DIDO1: variants seen among roughly 807,000 people sequenced by gnomAD.
DIDO1 encodes the protein death-inducer obliterator 1.
DIDO1 carries 16 observed loss-of-function variants against 99.4 expected under a neutral mutation model. The ratio of observed to expected loss-of-function variants is 0.16; its 90% CI spans 0.11 to 0.24. DIDO1 has a LOEUF of 0.24. DIDO1 is among the 10% of genes least tolerant of loss of function. DIDO1 has a pLI of 1.00. For synonymous variants in DIDO1, 1,366 were observed against 1,239.1 expected (o/e 1.10, Z -2.15); for missense variants, 2,996 against 3,014.0 (o/e 0.99, Z 0.14).
rs771153068 is a variant in DIDO1, at chr20:62,881,441, G to A, written c.4515C>T (p.Ala1505=). 3 of 1,608,784 alleles carry A rather than the reference G, an allele frequency of 1.9e-6. No individual in the cohort carries two copies. Among genetic ancestry groups the A allele is most frequent in the South Asian group, 1.1e-5 (1 of 91,062 alleles). Residue 1505 remains alanine (A), a synonymous_variant, in exon 16 of 16, where the codon GCC becomes GCT. Transcript: ENST00000395343. The surrounding 1 kb of genome is among the most constrained non-coding windows in gnomAD (Gnocchi z 8.3). The part of the protein sequence containing the change: ...EQEEALRQQR[A]AVGVSMAHFS... Reference sequence around the variant, plus strand: ...AGTGGGCCATGGAGACCCCGACGGCGGCCCTCTGCTGCCTGAGAGCTTCTT... The same window carrying A: ...AGTGGGCCATGGAGACCCCGACGGCAGCCCTCTGCTGCCTGAGAGCTTCTT...
chr20:62,908,641 C>CA (rs1158611917), intron 4 of DIDO1, among the ~76,000 whole-genome samples: 2 of 152,176 alleles, frequency 1.3e-5, no homozygotes, highest in African/African-American at 4.8e-5. Flanking sequence ...TCCACAGAAT[C>CA]TAAGTTTTAT....
At chr20:62,902,046 G>C (rs1345499611) in intron 6 of DIDO1, among the ~76,000 whole-genome samples, 3 of 151,948 alleles carry the variant, frequency 2.0e-5, no homozygotes, top group Non-Finnish European at 4.4e-5. Flanking sequence ...TGAATTCAGG[G>C]GGACCGATCC....
intron 15 of DIDO1, 31 bp from the exon 16 acceptor site, chr20:62,882,445 G>C (rs764249151): frequency 6.3e-7 from 1 of 1,581,920 alleles, no homozygotes; most frequent in South Asian, 1.2e-5. Context: ...GCAAATTTTA[G>C]AATCTAAATC....
chr20:62,888,321 C>T, intron 15 of DIDO1: 1 of 985,548 alleles, frequency 1.0e-6, no homozygotes, highest in Non-Finnish European at 1.2e-6. Flanking sequence ...AGGACCTTCT[C>T]CTTAACATCC....
intron 5 of DIDO1, 78 bp downstream of exon 5, chr20:62,907,069 T>C (rs1961629792): frequency 5.3e-6 from 8 of 1,515,126 alleles, no homozygotes; most frequent in Non-Finnish European, 5.5e-6. Context: ...CCACACGGTC[T>C]ACAAACCAAC....
intron 1 of DIDO1, among the ~76,000 whole-genome samples, chr20:62,935,319 C>T (rs985363092): frequency 3.9e-5 from 6 of 151,912 alleles, no homozygotes; most frequent in Non-Finnish European, 7.4e-5. Flanking sequence ...TTTATTCCTT[C>T]GTCACTCAAC....
intron 15 of DIDO1, chr20:62,888,126 C>T: frequency 3.0e-6 from 3 of 985,490 alleles, no homozygotes; most frequent in Non-Finnish European, 3.6e-6. Flanking sequence ...CAGCTGGGCA[C>T]CTTCAGGCCT....
At chr20:62,922,456 AC>A (rs2065173776) in intron 1 of DIDO1, among the ~76,000 whole-genome samples, 1 of 151,936 alleles carries the variant, frequency 6.6e-6, no homozygotes, top group East Asian at 1.9e-4. Context: ...TCAAGGGGGA[AC>A]CTGTCTATGA....
chr20:62,899,847 C>A (rs1031276215), intron 6 of DIDO1, among the ~76,000 whole-genome samples: 2 of 152,242 alleles, frequency 1.3e-5, no homozygotes, highest in Non-Finnish European at 2.9e-5. Flanking sequence ...AGCAACTGTT[C>A]CAGGGACCCG....
rs771113681 is a variant in DIDO1 at position 62,880,722 on chromosome 20, C to T, written c.5234G>A (p.Gly1745Asp). 1.2e-6 allele frequency: 2 copies of T among 1,612,664 alleles called. No homozygotes were observed. Among genetic ancestry groups the T allele is most frequent in the Non-Finnish European group, 1.7e-6 (2 of 1,179,882 alleles). ...CTGACCCTGAAACGGGGGCTGAGAG[C>T]CCCCCACTTTCTGTCCTGGTGGGGG... Reference protein sequence around the residue: ...PLPPPGQKVGGSQPPFQGQRE... With the variant: ...PLPPPGQKVGDSQPPFQGQRE... The change falls in exon 16 of 16, where the codon GGC (glycine) becomes GAC (aspartate). Residue 1745 changes from glycine (G) to aspartate (D), a missense_variant. Transcript: ENST00000395343.
rs1053650235 is a variant in DIDO1 at position 62,878,858 on chromosome 20, G to C, written c.*375C>G. The C allele has an allele frequency of 5.8e-6, 1 of 172,492 alleles. No homozygotes were observed. The allele number at this position is 172,492 out of a possible 1,614,324, so 10.7% of individuals were successfully genotyped here. ...GCCTCCGGGGCGGCGGCTAAGACCT[G>C]TAAAAGCAGCTTTTGGAAACACAAA... On this transcript the variant is annotated 3_prime_UTR_variant, in exon 16 of 16. Transcript: ENST00000395343.
At chr20:62,922,095 ACACAC>A (rs370718793) in intron 1 of DIDO1, among the ~76,000 whole-genome samples, 31,872 of 137,354 alleles carry the variant, frequency 0.23, 3,650 homozygotes, top group East Asian at 0.35. Flanking sequence ...CACTATATAT[ACACAC>A]TATATATATA....
At chr20:62,884,404 T>C (rs548196248) in intron 15 of DIDO1, among the ~76,000 whole-genome samples, 33 of 152,280 alleles carry the variant, frequency 2.2e-4, no homozygotes, top group Non-Finnish European at 4.1e-4. Context: ...GGCAGCGACG[T>C]AACACTATGT....
rs1387072652 is a variant in DIDO1 at position 62,878,927 on chromosome 20, AC to A, written c.*305del. The A allele has an allele frequency of 8.6e-5, 23 of 267,112 alleles. No homozygotes were observed. The highest frequency in any genetic ancestry group is 1.5e-4 in the Non-Finnish European group (22 of 143,966). The allele number at this position is 267,112 out of a possible 1,614,324, so 16.5% of individuals were successfully genotyped here. ...AGGTATGGCTCTAGGGTCCAACGAAACTCCCTTAAAATTTACAATAAAGTTA... is the reference window on the plus strand; with the variant it reads ...AGGTATGGCTCTAGGGTCCAACGAAATCCCTTAAAATTTACAATAAAGTTA... On this transcript the variant is annotated 3_prime_UTR_variant, in exon 16 of 16. Coordinates refer to ENST00000395343, the MANE Select transcript of DIDO1 (RefSeq NM_001193369.2).
chr20:62,924,898 T>TA (rs1285313540), intron 1 of DIDO1, among the ~76,000 whole-genome samples: 1 of 152,160 alleles, frequency 6.6e-6, no homozygotes, highest in Admixed American at 6.5e-5. Context: ...AAATTCAAGA[T>TA]ACGCGCTTTT....
intron 6 of DIDO1, among the ~76,000 whole-genome samples, chr20:62,902,688 G>C (rs1568857118): frequency 6.6e-6 from 1 of 152,126 alleles, no homozygotes; most frequent in Non-Finnish European, 1.5e-5. Flanking sequence ...ACCCCACCAG[G>C]GCCATCTCTG....
chr20:62,909,287 G>T (rs2064872855), intron 4 of DIDO1, among the ~76,000 whole-genome samples: 1 of 152,218 alleles, frequency 6.6e-6, no homozygotes, highest in Non-Finnish European at 1.5e-5. Context: ...CAGGGGGAGA[G>T]AATTAAGTGT....
At chr20:62,912,048 A>G (rs921495656) in intron 2 of DIDO1, among the ~76,000 whole-genome samples, 1 of 152,234 alleles carries the variant, frequency 6.6e-6, no homozygotes, top group African/African-American at 2.4e-5. Context: ...CCACAAGCAC[A>G]GTGAACAAGA....
In DIDO1 at chr20:62,891,125, TGGC is replaced by T; in HGVS notation, c.3373_3375del (p.Ala1125del). 6.2e-7 allele frequency: 1 copy of T among 1,614,068 alleles called. No homozygotes were observed. The highest frequency in any genetic ancestry group is 8.5e-7 in the Non-Finnish European group (1 of 1,180,028). On this transcript the variant is annotated inframe_deletion, in exon 15 of 16. Transcript: ENST00000395343. Reference sequence around the variant, plus strand: ...ATATAGGCGACCTCCTCTTCCTCTGTGGCGGGGTGGAAGCGGATCAGACAGAGC... The same window carrying T: ...ATATAGGCGACCTCCTCTTCCTCTGTGGGGTGGAAGCGGATCAGACAGAGC...
Sources: gnomAD v4.1 joint callset for allele counts (sites outside exome capture counted in the v4.1 genomes callset) on GRCh38, gnomAD v4.1.1 for gene constraint, Gnocchi (gnomAD v3.1) non-coding constraint, MANE v1.5 for transcripts, NCBI Gene and HGNC (gene_info 2026-07-23, HGNC 2026-07-21) for gene names.